AGBL4: variants seen among roughly 807,000 people sequenced by gnomAD.
AGBL4 encodes the protein AGBL carboxypeptidase 4.
AGBL4 carries 58 observed loss-of-function variants against 66.4 expected under a neutral mutation model. That is an observed-to-expected ratio of 0.87 (90% CI 0.71 to 1.09). The LOEUF (loss-of-function observed/expected upper bound fraction) is 1.09, where lower values mean the gene tolerates loss of function less well. Among genes scored for constraint, AGBL4 ranks in the 50% least tolerant of loss-of-function variants. The probability of loss-of-function intolerance (pLI) is 0.00; values close to 1 mark genes in which losing one functional copy is unlikely to be tolerated. For synonymous variants in AGBL4, 234 were observed against 222.9 expected, an observed-to-expected ratio of 1.05 and a Z score of -0.44; for missense variants, 579 against 631.0, an observed-to-expected ratio of 0.92 and a Z score of 0.88.
chr1:49,438,567 C>T (rs528564655), intron 3 of AGBL4, among the ~76,000 whole-genome samples: 25 of 152,172 alleles, frequency 1.6e-4, no homozygotes, highest in African/African-American at 5.8e-4. Flanking sequence ...ATGGACATCG[C>T]CAAAATTCAG....
intron 4 of AGBL4, among the ~76,000 whole-genome samples, chr1:49,176,795 T>A (rs753032675): frequency 1.3e-5 from 2 of 152,164 alleles, no homozygotes; most frequent in Non-Finnish European, 2.9e-5. Context: ...AAAAATCTCT[T>A]AACTTTCTGT....
intron 6 of AGBL4, among the ~76,000 whole-genome samples, chr1:48,704,020 C>T (rs148302803): frequency 1.3e-5 from 2 of 152,194 alleles, no homozygotes; most frequent in Non-Finnish European, 2.9e-5. Flanking sequence ...TATACCTAAG[C>T]TGTATGGTGT....
intron 3 of AGBL4, among the ~76,000 whole-genome samples, chr1:49,327,691 G>A (rs1262705837): frequency 6.6e-6 from 1 of 152,224 alleles, no homozygotes; most frequent in Non-Finnish European, 1.5e-5. Context: ...CCATTCATAA[G>A]GGCGGAGTCC....
intron 3 of AGBL4, among the ~76,000 whole-genome samples, chr1:49,352,441 C>T (rs976688805): frequency 1.4e-5 from 2 of 143,080 alleles, no homozygotes; most frequent in Non-Finnish European, 3.0e-5. Flanking sequence ...AGAAAAACCT[C>T]GGCAGTGGCC....
intron 4 of AGBL4, among the ~76,000 whole-genome samples, chr1:49,215,197 G>A (rs965297295): frequency 2.0e-5 from 3 of 152,030 alleles, no homozygotes; most frequent in African/African-American, 7.2e-5. Flanking sequence ...TGTTCCTCAT[G>A]TGCTCTGTGG....
At chr1:49,888,345 C>A (rs1016538321) in intron 1 of AGBL4, among the ~76,000 whole-genome samples, 1 of 152,042 alleles carries the variant, frequency 6.6e-6, no homozygotes, top group African/African-American at 2.4e-5. Flanking sequence ...ACTGATCAGA[C>A]CATAGTTGAA....
intron 1 of AGBL4, chr1:49,995,173 C>T (rs1367614730): frequency 4.4e-6 from 2 of 456,140 alleles, no homozygotes; most frequent in Middle Eastern, 3.2e-4. Flanking sequence ...AGAGAAGATA[C>T]AGCACAGAAA....
intron 3 of AGBL4, among the ~76,000 whole-genome samples, chr1:49,549,822 C>T (rs1652811528): frequency 6.6e-6 from 1 of 152,046 alleles, no homozygotes. Flanking sequence ...TAGTTTAAAT[C>T]CATTGTTTCT....
chr1:49,879,274 G>T (rs1291017331), intron 1 of AGBL4, among the ~76,000 whole-genome samples: 1 of 150,462 alleles, frequency 6.6e-6, no homozygotes, highest in African/African-American at 2.5e-5. Context: ...TTTACATTTT[G>T]GCATGATTTT....
chr1:49,251,794 C>T (rs1030065939), intron 3 of AGBL4, among the ~76,000 whole-genome samples: 1 of 152,192 alleles, frequency 6.6e-6, no homozygotes, highest in African/African-American at 2.4e-5. Context: ...TTAGAGCACA[C>T]AGTCCAGGAG....
chr1:49,370,341 TCA>T (rs1353087452), intron 3 of AGBL4, among the ~76,000 whole-genome samples: 2 of 151,892 alleles, frequency 1.3e-5, no homozygotes, highest in Non-Finnish European at 2.9e-5. Context: ...GGAATTGAAA[TCA>T]CAGTCTTGAG....
At chr1:49,288,757 G>T (rs897204195) in intron 3 of AGBL4, among the ~76,000 whole-genome samples, 1 of 152,192 alleles carries the variant, frequency 6.6e-6, no homozygotes, top group African/African-American at 2.4e-5. Flanking sequence ...AAGGGACTGT[G>T]CACTTGAGAT....
At chr1:48,701,416 T>A (rs1646798915) in intron 6 of AGBL4, among the ~76,000 whole-genome samples, 2 of 151,806 alleles carry the variant, frequency 1.3e-5, no homozygotes, top group East Asian at 3.9e-4. Context: ...ATAATACATG[T>A]TCTACCTAAT....
At chr1:49,168,191 T>G (rs1423022300) in intron 4 of AGBL4, among the ~76,000 whole-genome samples, 2 of 152,180 alleles carry the variant, frequency 1.3e-5, no homozygotes, top group African/African-American at 2.4e-5. Flanking sequence ...ATTCTAGATT[T>G]TACCATTATG....
chr1:49,144,638 A>C (rs1372912507), intron 4 of AGBL4, among the ~76,000 whole-genome samples: 1 of 152,062 alleles, frequency 6.6e-6, no homozygotes, highest in East Asian at 1.9e-4. Context: ...CATAGTCCTT[A>C]CTTCAAGGAC....
At chr1:49,411,780 C>G (rs1396894331) in intron 3 of AGBL4, among the ~76,000 whole-genome samples, 1 of 151,954 alleles carries the variant, frequency 6.6e-6, no homozygotes, top group Non-Finnish European at 1.5e-5. Context: ...CTGACACAAC[C>G]AAATTTGCTT....
At chr1:48,635,443 T>C (rs893764464) in intron 8 of AGBL4, among the ~76,000 whole-genome samples, 2 of 152,356 alleles carry the variant, frequency 1.3e-5, no homozygotes, top group Non-Finnish European at 2.9e-5. Flanking sequence ...AGGAACTTCC[T>C]TTGGCTCCAC....
At chr1:49,240,698 A>G (rs977165576) in intron 4 of AGBL4, among the ~76,000 whole-genome samples, 18 of 151,764 alleles carry the variant, frequency 1.2e-4, no homozygotes, top group African/African-American at 4.4e-4. Context: ...GAGAAATCAC[A>G]TCTTCTCCTA....
intron 3 of AGBL4, among the ~76,000 whole-genome samples, chr1:49,384,520 G>A (rs1407431338): frequency 6.6e-6 from 1 of 152,072 alleles, no homozygotes; most frequent in South Asian, 2.1e-4. Context: ...TGGAACCTGG[G>A]AGGCGGAGGT....
Sources: gnomAD v4.1 joint callset for allele counts (sites outside exome capture counted in the v4.1 genomes callset) on GRCh38, gnomAD v4.1.1 for gene constraint, MANE v1.5 for transcripts, NCBI Gene and HGNC (gene_info 2026-07-23, HGNC 2026-07-21) for gene names.